The following ZNF385D variants were observed in gnomAD, a reference collection of about 807,000 sequenced individuals.
ZNF385D encodes the protein zinc finger protein 659.
A neutral mutation model predicts 35.8 loss-of-function variants in ZNF385D; 15 were observed. That is an observed-to-expected ratio of 0.42 (90% CI 0.28 to 0.64). ZNF385D has a LOEUF of 0.64. Ranked by LOEUF, ZNF385D falls within the 30% of genes least tolerant of loss-of-function variation. ZNF385D has a pLI of 0.23. For synonymous variants in ZNF385D, 212 were observed against 186.8 expected (o/e 1.13, Z -1.10); for missense variants, 474 against 494.6 (o/e 0.96, Z 0.39).
intron 2 of ZNF385D, among the ~76,000 whole-genome samples, chr3:22,196,022 G>C (rs758104901): frequency 2.2e-4 from 34 of 152,058 alleles, no homozygotes; most frequent in African/African-American, 3.4e-4. Context: ...GGGTCTTTTC[G>C]AGGGTGGAGG....
rs115566834 is a variant in ZNF385D, at chr3:21,682,138, G to T, written c.23-17110C>A. Reference sequence around the variant, plus strand: ...ACAAGCAAAGATATGGTTGGAAGATGCATAATTACATAGAAATCTAACAAA... The same window carrying T: ...ACAAGCAAAGATATGGTTGGAAGATTCATAATTACATAGAAATCTAACAAA... On this transcript the variant is annotated intron_variant, in intron 1 of 7. Coordinates refer to ENST00000281523, the MANE Select transcript of ZNF385D (RefSeq NM_024697.3). Among the ~76,000 whole-genome samples the T allele has an allele frequency of 8.3e-3, 1,263 of 152,306 alleles. 16 individuals are homozygous for T. The highest frequency in any genetic ancestry group is 0.029 in the African/African-American group (1,189 of 41,590).
chr3:21,953,291 T>C (rs1014663562), intron 3 of ZNF385D, among the ~76,000 whole-genome samples: 1 of 151,726 alleles, frequency 6.6e-6, no homozygotes, highest in African/African-American at 2.4e-5. Flanking sequence ...AAAAGTTACA[T>C]CAAGCTCAAT....
chr3:21,788,662 T>C (rs909236543), intron 3 of ZNF385D, among the ~76,000 whole-genome samples: 1 of 152,256 alleles, frequency 6.6e-6, no homozygotes, highest in African/African-American at 2.4e-5. Flanking sequence ...TCTGTTGCTT[T>C]TTTAAATTTT....
intron 3 of ZNF385D, among the ~76,000 whole-genome samples, chr3:22,164,865 A>T (rs1469860543): frequency 6.6e-6 from 1 of 152,202 alleles, no homozygotes; most frequent in Non-Finnish European, 1.5e-5. Flanking sequence ...AGCCATAAAA[A>T]GACACAGAGA....
intron 2 of ZNF385D, among the ~76,000 whole-genome samples, chr3:22,231,027 A>C (rs903827335): frequency 6.6e-6 from 1 of 152,142 alleles, no homozygotes; most frequent in Admixed American, 6.6e-5. Flanking sequence ...AATCTACCCC[A>C]ATATTGGGAG....
At chr3:21,630,980 C>T (rs1427662052) in intron 2 of ZNF385D, among the ~76,000 whole-genome samples, 3 of 152,024 alleles carry the variant, frequency 2.0e-5, no homozygotes, top group Non-Finnish European at 2.9e-5. Flanking sequence ...TATCGAGTTT[C>T]GTAGTTTCGT....
chr3:21,764,321 G>A (rs1426265817), intron 3 of ZNF385D, among the ~76,000 whole-genome samples: 1 of 152,122 alleles, frequency 6.6e-6, no homozygotes, highest in East Asian at 1.9e-4. Context: ...ACTGTGAACT[G>A]CAACAAATAT....
intron 3 of ZNF385D, among the ~76,000 whole-genome samples, chr3:21,558,526 T>A (rs61350442): frequency 0.014 from 2,085 of 152,144 alleles, 49 homozygotes; most frequent in African/African-American, 0.047. Flanking sequence ...GAGAATGTTA[T>A]GATTTCCATT....
chr3:21,941,789 GC>G (rs1376794379), intron 3 of ZNF385D, among the ~76,000 whole-genome samples: 1 of 144,590 alleles, frequency 6.9e-6, no homozygotes, highest in Non-Finnish European at 1.5e-5. Context: ...GAGCCACCAT[GC>G]CCGGCCTCTT....
intron 2 of ZNF385D, among the ~76,000 whole-genome samples, chr3:22,286,786 T>C (rs1365145476): frequency 1.3e-5 from 2 of 152,138 alleles, no homozygotes; most frequent in East Asian, 3.9e-4. Context: ...ACTTGTTTTG[T>C]GGCTTAACAT....
intron 4 of ZNF385D, among the ~76,000 whole-genome samples, chr3:21,489,430 T>A (rs1559340838): frequency 6.6e-6 from 1 of 152,126 alleles, no homozygotes; most frequent in Admixed American, 6.6e-5. Context: ...AGGGCTCTCG[T>A]ATCAGGTGCA....
intron 2 of ZNF385D, among the ~76,000 whole-genome samples, chr3:22,301,468 T>A (rs1245472348): frequency 6.6e-6 from 1 of 152,114 alleles, no homozygotes; most frequent in East Asian, 1.9e-4. Flanking sequence ...CAGTAATGCA[T>A]ATTTGATCAG....
At chr3:21,871,010 C>T (rs1294247481) in intron 3 of ZNF385D, among the ~76,000 whole-genome samples, 4 of 152,108 alleles carry the variant, frequency 2.6e-5, no homozygotes, top group Non-Finnish European at 5.9e-5. Flanking sequence ...CTGCTAAAAA[C>T]TAATAGCTTG....
chr3:21,415,884 T>G lies in ZNF385D; in HGVS notation c.*5330A>C, dbSNP rs1700555761. The G allele has an allele frequency of 6.6e-6, 1 of 152,050 alleles. No individual in the cohort carries two copies. The highest frequency in any genetic ancestry group is 1.5e-5 in the Non-Finnish European group (1 of 67,996). The allele number at this position is 152,050 out of a possible 1,614,324, so 9.4% of individuals were successfully genotyped here. On this transcript the variant is annotated 3_prime_UTR_variant, in exon 8 of 8. Transcript: ENST00000281523. ...CTTAGCCACCTAGGAAGGATGAGTT[T>G]CCATCACTGAGAAGAGGAAAGAGAA...
intron 4 of ZNF385D, among the ~76,000 whole-genome samples, chr3:21,469,655 T>A (rs1703760042): frequency 6.6e-6 from 1 of 152,220 alleles, no homozygotes; most frequent in Admixed American, 6.5e-5. Context: ...GTTCTTTTTT[T>A]AATAACTATC....
chr3:22,076,822 T>C (rs1195529146), intron 3 of ZNF385D, among the ~76,000 whole-genome samples: 1 of 152,012 alleles, frequency 6.6e-6, no homozygotes, highest in African/African-American at 2.4e-5. Flanking sequence ...TTCAAGATCA[T>C]ATTCTCCATA....
At chr3:22,128,220 T>C (rs1363329443) in intron 3 of ZNF385D, among the ~76,000 whole-genome samples, 3 of 152,210 alleles carry the variant, frequency 2.0e-5, no homozygotes, top group Non-Finnish European at 2.9e-5. Context: ...CCTCCTAACC[T>C]GTAAGGTTTG....
chr3:21,602,837 T>C (rs1489695882), intron 2 of ZNF385D, among the ~76,000 whole-genome samples: 3 of 152,014 alleles, frequency 2.0e-5, no homozygotes, highest in African/African-American at 7.2e-5. Context: ...CCGGCCTCCC[T>C]GCATTTTCTA....
At chr3:22,047,403 T>C (rs1026554041) in intron 3 of ZNF385D, among the ~76,000 whole-genome samples, 17 of 152,122 alleles carry the variant, frequency 1.1e-4, no homozygotes, top group African/African-American at 4.1e-4. Context: ...TATCCTTTAT[T>C]ACCCCACTCC....
Sources: allele counts gnomAD v4.1 joint callset (sites outside exome capture counted in the v4.1 genomes callset), GRCh38; gene constraint gnomAD v4.1.1; transcripts MANE v1.5; gene names NCBI Gene and HGNC (gene_info 2026-07-23, HGNC 2026-07-21).